The following RYR2 variants were observed in gnomAD, a reference collection of about 807,000 sequenced individuals.
RYR2 encodes cardiac muscle ryanodine receptor-calcium release channel.
Under a neutral mutation model 601.1 loss-of-function variants are expected in RYR2, and 227 were observed. That is an observed-to-expected ratio of 0.38 (90% CI 0.34 to 0.42). RYR2 has a LOEUF of 0.42. Among genes scored for constraint, RYR2 ranks in the 10% least tolerant of loss-of-function variants. The pLI is 1.00. For synonymous variants in RYR2, 2,223 were observed against 2,175.1 expected, an observed-to-expected ratio of 1.02 and a Z score of -0.61; for missense variants, 4,646 against 6,156.5, an observed-to-expected ratio of 0.75 and a Z score of 8.21.
At chr1:237,588,169 A>G (rs1009787114) in intron 29 of RYR2, among the ~76,000 whole-genome samples, 1 of 151,794 alleles carries the variant, frequency 6.6e-6, no homozygotes, top group South Asian at 2.1e-4. Context: ...CTCATCATTT[A>G]CTCTTCCTTG....
intron 79 of RYR2, among the ~76,000 whole-genome samples, chr1:237,734,285 A>C (rs577372632): frequency 6.6e-6 from 1 of 152,196 alleles, no homozygotes; most frequent in Non-Finnish European, 1.5e-5. Flanking sequence ...TACATCTTAC[A>C]TGGCGGCAAG....
At chr1:237,594,904 T>TGTTTTTG (rs1675683017) in intron 33 of RYR2, among the ~76,000 whole-genome samples, 2 of 52,612 alleles carry the variant, frequency 3.8e-5, no homozygotes, top group African/African-American at 8.7e-5. Flanking sequence ...TTTTTTTTTT[T>TGTTTTTG]TTTTTTTTTT....
chr1:237,574,448 C>T (rs774799051), intron 29 of RYR2, among the ~76,000 whole-genome samples: 1 of 152,172 alleles, frequency 6.6e-6, no homozygotes, highest in African/African-American at 2.4e-5. Flanking sequence ...TCTTGAGTGT[C>T]AGCAGAACTT....
intron 24 of RYR2, among the ~76,000 whole-genome samples, chr1:237,515,815 T>TCCCTCTTCTCTTCCC: frequency 6.9e-6 from 1 of 144,976 alleles, no homozygotes; most frequent in Non-Finnish European, 1.5e-5. Context: ...CTCCTCCTCC[T>TCCCTCTTCTCTTCCC]CCCTCTTCTC....
intron 1 of RYR2, among the ~76,000 whole-genome samples, chr1:237,224,974 A>T (rs1215532405): frequency 6.6e-6 from 1 of 152,222 alleles, no homozygotes; most frequent in East Asian, 1.9e-4. Context: ...GAGGGATTTG[A>T]ACATTACTTT....
At chr1:237,567,532 A>G (rs537703814) in intron 28 of RYR2, among the ~76,000 whole-genome samples, 8 of 151,950 alleles carry the variant, frequency 5.3e-5, no homozygotes, top group Non-Finnish European at 1.0e-4. Flanking sequence ...CGAGGCTGCA[A>G]TGAGCCATGA....
chr1:237,604,611 C>CA (rs1171239117), intron 35 of RYR2, among the ~76,000 whole-genome samples: 2 of 151,990 alleles, frequency 1.3e-5, no homozygotes, highest in African/African-American at 4.8e-5. Context: ...AAAAACCCTT[C>CA]AAAAAATCAA....
chr1:237,680,483 T>G lies in RYR2; in HGVS notation c.8923T>G (p.Phe2975Val), dbSNP rs1484410085. The change falls in exon 62 of 105, where the codon TTC becomes GTC. Residue 2975 changes from phenylalanine to valine, a missense_variant. Phe to Val is a conservative substitution (Grantham distance 50, BLOSUM62 -1). This residue lies in a region of RYR2 where 1,497 missense variants were observed against 1,842.6 expected (regional missense o/e 0.81). Transcript: ENST00000366574. ...KVVLPLIDQY[F>V]KNHRLYFLSA... is the part of the protein sequence containing the mutation. The stretch of plus-strand genomic sequence containing the variant: ...CGTTCTTCCTTTAATTGATCAGTAT[T>G]TCAAAAACCATCGTTTATACTTCTT... The G allele has an allele frequency of 6.2e-7, 1 of 1,607,912 alleles. No individual in the cohort carries two copies. The highest frequency in any genetic ancestry group is 1.1e-5 in the South Asian group (1 of 90,856).
chr1:237,351,290 A>G (rs1425885306), intron 3 of RYR2, among the ~76,000 whole-genome samples: 3 of 152,248 alleles, frequency 2.0e-5, no homozygotes, highest in African/African-American at 7.2e-5. Flanking sequence ...AAATATCTCA[A>G]GAAGACAAAA....
intron 40 of RYR2, among the ~76,000 whole-genome samples, chr1:237,626,731 G>A (rs981529741): frequency 7.3e-5 from 11 of 150,980 alleles, no homozygotes; most frequent in Admixed American, 4.6e-4. Context: ...GCACCAAGAC[G>A]CCTGATTAGT....
rs148296273 is a variant in RYR2 at position 237,647,035 on chromosome 1, C to T, written c.7343-1409C>T. ...GGATCGGTGAGCTTCTCCCTTTTTC[C>T]CTAGGCACAGCTACGGTTTAAGATA... is the stretch of plus-strand genomic sequence containing the variant. On this transcript the variant is annotated intron_variant, in intron 48 of 104. Coordinates refer to ENST00000366574, the MANE Select transcript of RYR2 (RefSeq NM_001035.3). 3.1e-3 allele frequency among the ~76,000 whole-genome samples: 476 copies of T among 152,254 alleles called. 5 individuals carry two copies. The highest frequency in any genetic ancestry group is 0.011 in the African/African-American group (444 of 41,528).
intron 17 of RYR2, among the ~76,000 whole-genome samples, chr1:237,473,659 A>G (rs1200632513): frequency 6.6e-6 from 1 of 151,992 alleles, no homozygotes; most frequent in Non-Finnish European, 1.5e-5. Flanking sequence ...GGGGCAGTCA[A>G]CAGCACTTGA....
rs1675154697 is a variant in RYR2 at position 237,591,187 on chromosome 1, TCCTCCCCCTTCTCCTCCTCCCCCTTCTCC to T, written c.4160+196_4160+224del. On this transcript the variant is annotated intron_variant, in intron 31 of 104. Coordinates refer to ENST00000366574, the MANE Select transcript of RYR2 (RefSeq NM_001035.3). ...CCCCTTCTCCTCCTCCCCCTTCTCCTCCTCCCCCTTCTCCTCCTCCCCCTTCTCCTCCTCCCCCTTCTCCTCCTCCTCTT... is the reference window on the plus strand; with the variant it reads ...CCCCTTCTCCTCCTCCCCCTTCTCCTTCCTCCCCCTTCTCCTCCTCCTCTT... 4.5e-4 allele frequency among the ~76,000 whole-genome samples: 5 copies of T among 11,166 alleles called. No homozygotes were observed. The South Asian group carries it at 0.016, about 36-fold the overall frequency. 7.3% of individuals were successfully genotyped at this position (11,166 alleles called of 152,430 possible).
chr1:237,487,056 A>T (rs1662760349), intron 17 of RYR2, among the ~76,000 whole-genome samples: 2 of 152,252 alleles, frequency 1.3e-5, no homozygotes, highest in East Asian at 3.9e-4. Context: ...AGTAATTTGT[A>T]GTATATTTAT....
intron 92 of RYR2, among the ~76,000 whole-genome samples, chr1:237,790,043 T>C (rs1658185895): frequency 1.3e-5 from 2 of 152,224 alleles, no homozygotes; most frequent in African/African-American, 4.8e-5. Context: ...CATTCTGAGG[T>C]GTTACATTTT....
intron 1 of RYR2, among the ~76,000 whole-genome samples, chr1:237,065,285 TTTTTTTTTTTTC>T (rs796751757): frequency 0.037 from 2,091 of 55,942 alleles, 72 homozygotes; most frequent in African/African-American, 0.1. Flanking sequence ...TTTTTTTTTT[TTTTTTTTTTTTC>T]GAGAGGGAGT....
At chr1:237,392,030 A>G (rs1702428134) in intron 10 of RYR2, among the ~76,000 whole-genome samples, 1 of 152,128 alleles carries the variant, frequency 6.6e-6, no homozygotes, top group African/African-American at 2.4e-5. Flanking sequence ...TTGTCTAAAC[A>G]ACAACAAAAA....
intron 2 of RYR2, among the ~76,000 whole-genome samples, chr1:237,305,824 G>A (rs1693808443): frequency 6.6e-6 from 1 of 152,168 alleles, no homozygotes; most frequent in South Asian, 2.1e-4. Flanking sequence ...GACACAGAAA[G>A]CTCCAAAATT....
chr1:237,315,171 C>T (rs1040048326), intron 2 of RYR2, among the ~76,000 whole-genome samples: 17 of 152,078 alleles, frequency 1.1e-4, no homozygotes, highest in African/African-American at 1.7e-4. Flanking sequence ...TGTCCTTTGT[C>T]GAATTTCTAA....
Sources: allele counts gnomAD v4.1 joint callset (sites outside exome capture counted in the v4.1 genomes callset), GRCh38; gene constraint gnomAD v4.1.1; regional missense constraint gnomAD v4.1.1; transcripts MANE v1.5; gene names NCBI Gene and HGNC (gene_info 2026-07-23, HGNC 2026-07-21).